PXDN: variants seen among roughly 807,000 people sequenced by gnomAD.
The protein encoded by PXDN is peroxidasin homolog.
A neutral mutation model predicts 140.3 loss-of-function variants in PXDN; 77 were observed. The ratio of observed to expected loss-of-function variants is 0.55; its 90% CI spans 0.46 to 0.66. The LOEUF is 0.66. Ranked by LOEUF, PXDN falls within the 30% of genes least tolerant of loss-of-function variation. The probability of loss-of-function intolerance (pLI) is 0.00; values close to 1 mark genes in which losing one functional copy is unlikely to be tolerated. For synonymous variants in PXDN, 911 were observed against 857.4 expected (o/e 1.06, Z -1.09); for missense variants, 1,838 against 2,039.5 (o/e 0.90, Z 1.90).
rs1294168279 is a variant in PXDN, at chr2:1,639,032, G to A, written c.4074-54C>T. ...AAATATAACCTTGGCAGGTCACGCC[G>A]GGTCTCATTTCAAGGTTTCCTGGGT... On this transcript the variant is annotated intron_variant, in intron 20 of 22. Transcript: ENST00000252804. This position sits in a 1 kb window ranked among gnomAD's most constrained non-coding sequence, Gnocchi z 5.0. 2 of 494,670 alleles carry A rather than the reference G, an allele frequency of 4.0e-6. No individual in the cohort carries two copies. The highest frequency in any genetic ancestry group is 4.9e-6 in the Non-Finnish European group (2 of 405,056). The allele number at this position is 494,670 out of a possible 1,614,324, so 30.6% of individuals were successfully genotyped here.
At chr2:1,713,718 G>A (rs1043350824) in intron 1 of PXDN, among the ~76,000 whole-genome samples, 4 of 152,252 alleles carry the variant, frequency 2.6e-5, no homozygotes, top group Non-Finnish European at 5.9e-5. Flanking sequence ...TCCGGAGCAT[G>A]GGGGCACAGA....
intron 16 of PXDN, among the ~76,000 whole-genome samples, chr2:1,650,779 T>G (rs957278560): frequency 2.0e-5 from 3 of 152,086 alleles, no homozygotes; most frequent in Non-Finnish European, 4.4e-5. Context: ...CACTCACACT[T>G]TCACGTGTGC....
intron 1 of PXDN, 41 bp downstream of exon 1, chr2:1,744,215 G>T (rs1221059774): frequency 3.3e-5 from 48 of 1,433,870 alleles, no homozygotes; most frequent in Non-Finnish European, 4.1e-5. Flanking sequence ...TCTCCACGAA[G>T]CCCCGGACCC....
intron 9 of PXDN, among the ~76,000 whole-genome samples, chr2:1,667,829 C>T (rs1034807136): frequency 1.3e-5 from 2 of 152,130 alleles, no homozygotes; most frequent in African/African-American, 2.4e-5. Context: ...AAAAACATTC[C>T]GTGCTCATGG....
chr2:1,645,128 T>C (rs1339933336), intron 17 of PXDN, among the ~76,000 whole-genome samples: 9 of 152,174 alleles, frequency 5.9e-5, no homozygotes, highest in Non-Finnish European at 5.9e-5. Context: ...AAACTATATA[T>C]AGCTAAATGT....
intron 1 of PXDN, among the ~76,000 whole-genome samples, chr2:1,737,890 A>G (rs1005293110): frequency 1.3e-5 from 2 of 152,206 alleles, no homozygotes; most frequent in African/African-American, 2.4e-5. Context: ...AAAAATTACT[A>G]GTGTTATGAA....
At chr2:1,638,791 GC>G in intron 21 of PXDN, 54 bp downstream of exon 21, 1 of 1,610,286 alleles carries the variant, frequency 6.2e-7, no homozygotes, top group Non-Finnish European at 8.5e-7. Flanking sequence ...TTCGGGCAGG[GC>G]TGTGCTGCTG....
chr2:1,715,713 C>T (rs1180445421), intron 1 of PXDN, among the ~76,000 whole-genome samples: 1 of 152,168 alleles, frequency 6.6e-6, no homozygotes, highest in Non-Finnish European at 1.5e-5. Context: ...GAGTGGACCA[C>T]TTTCCAGGCT....
At chr2:1,742,311 G>GT (rs1685564788) in intron 1 of PXDN, among the ~76,000 whole-genome samples, 1 of 152,174 alleles carries the variant, frequency 6.6e-6, no homozygotes, top group Admixed American at 6.5e-5. Context: ...CAGAATCAAC[G>GT]TGACTCAACA....
intron 1 of PXDN, among the ~76,000 whole-genome samples, chr2:1,721,610 G>A (rs970976742): frequency 2.0e-5 from 3 of 152,198 alleles, no homozygotes; most frequent in African/African-American, 7.2e-5. Flanking sequence ...GCCGAGGCGG[G>A]CGGATCACGA....
chr2:1,727,083 T>C (rs1685203214), intron 1 of PXDN, among the ~76,000 whole-genome samples: 1 of 152,200 alleles, frequency 6.6e-6, no homozygotes, highest in Admixed American at 6.5e-5. Context: ...TCAAATGCAG[T>C]GAACACTCTG....
chr2:1,692,132 G>A (rs1684194845), intron 2 of PXDN, 133 bp from the exon 3 acceptor site: 5 of 664,554 alleles, frequency 7.5e-6, no homozygotes, highest in South Asian at 6.1e-5. Flanking sequence ...AACATTCAAC[G>A]AACGCTGAAC....
At chr2:1,735,840 G>A (rs1304823219) in intron 1 of PXDN, among the ~76,000 whole-genome samples, 2 of 152,182 alleles carry the variant, frequency 1.3e-5, no homozygotes, top group Non-Finnish European at 2.9e-5. Context: ...AGCTATGGAA[G>A]TCCTAGATGG....
chr2:1,666,240 T>C lies in PXDN; in HGVS notation c.1265A>G (p.His422Arg), dbSNP rs781170165. The part of the protein sequence containing the change: ...CSATNNIDSV[H>R]ATAFIIVQAL... Reference sequence around the variant, plus strand: ...CTGGACGATGATGAAAGCGGTGGCATGGACGCTGTCAATGTTGTTGGTCGC... The same window carrying C: ...CTGGACGATGATGAAAGCGGTGGCACGGACGCTGTCAATGTTGTTGGTCGC... Residue 422 changes from histidine (H) to arginine (R), a missense_variant, in exon 10 of 23, where the codon CAT (histidine) becomes CGT (arginine). This residue lies in a region of PXDN where 537 missense variants were observed against 583.9 expected (regional missense o/e 0.92). Transcript: ENST00000252804. 31 of 1,613,912 alleles carry C rather than the reference T, an allele frequency of 1.9e-5. No individual in the cohort carries two copies. Among genetic ancestry groups the C allele is most frequent in the Non-Finnish European group, 2.5e-5 (29 of 1,179,890 alleles).
intron 1 of PXDN, among the ~76,000 whole-genome samples, chr2:1,697,041 A>C (rs1433514403): frequency 1.3e-5 from 2 of 152,198 alleles, no homozygotes; most frequent in Non-Finnish European, 2.9e-5. Context: ...GTTCCACAGC[A>C]CCAGTGCTTG....
Position 1,648,452 on chromosome 2 carries a change from T to A in PXDN, c.3328A>T (p.Asn1110Tyr). ...AGAAGCGGATCGATGCCGCCCTCAT[T>A]CACAATCCGGAAGGGAGAGAAGAAA... ...KAFFSPFRIV[N>Y]EGGIDPLLRG... The change falls in exon 17 of 23, where the codon AAT becomes TAT. Residue 1110 changes from asparagine to tyrosine, a missense_variant. Physicochemically the swap from Asn to Tyr is moderately radical, Grantham distance 143. Around this residue, in one of 5 missense-constraint regions of PXDN, gnomAD observed 850 missense variants for 894.1 expected, o/e 0.95. Coordinates refer to ENST00000252804, the MANE Select transcript of PXDN (RefSeq NM_012293.3). The surrounding 1 kb of genome is among the most constrained non-coding windows in gnomAD (Gnocchi z 8.9). 1 of 1,610,638 alleles carries A rather than the reference T, an allele frequency of 6.2e-7. No homozygotes were observed. The highest frequency in any genetic ancestry group is 8.5e-7 in the Non-Finnish European group (1 of 1,179,836).
In PXDN at chr2:1,658,761, G is replaced by A. The variant is rs898784945; in HGVS notation, c.1837+2120C>T. ...CCCAGCCCTGTGCTCCCCACCCCCC[G>A]GCATCGGGCTCATTCTGACCCCAGG... On this transcript the variant is annotated intron_variant, in intron 14 of 22. Transcript: ENST00000252804. 5.4e-4 allele frequency among the ~76,000 whole-genome samples: 13 copies of A among 23,900 alleles called. No homozygotes were observed. The East Asian group carries it at 8.1e-3, about 15-fold the overall frequency. The allele number at this position is 23,900 out of a possible 152,430, so 15.7% of individuals were successfully genotyped here. A position where few individuals can be genotyped will look rare whatever the true frequency, so the allele number is the denominator to read the frequency against.
rs116079411 is a variant in PXDN at position 1,687,938 on chromosome 2, C to T, written c.345-235G>A. On this transcript the variant is annotated intron_variant, in intron 3 of 22. Coordinates refer to ENST00000252804, the MANE Select transcript of PXDN (RefSeq NM_012293.3). The surrounding 1 kb of genome is among the most constrained non-coding windows in gnomAD (Gnocchi z 4.0). Reference sequence around the variant, plus strand: ...ACTGAAGGTGATCAAACCACTGCGACGGGTTTTTCAGGCAACTCACAGACC... The same window carrying T: ...ACTGAAGGTGATCAAACCACTGCGATGGGTTTTTCAGGCAACTCACAGACC... 0.016 allele frequency among the ~76,000 whole-genome samples: 2,443 copies of T among 152,236 alleles called. 41 individuals are homozygous for T. The highest frequency in any genetic ancestry group is 0.042 in the Admixed American group (639 of 15,284).
intron 19 of PXDN, among the ~76,000 whole-genome samples, chr2:1,642,856 GC>G (rs1272534026): frequency 1.3e-5 from 2 of 152,048 alleles, no homozygotes; most frequent in Non-Finnish European, 2.9e-5. Context: ...CAGCTACAGG[GC>G]CCCCCGCGCC....
Sources: gnomAD v4.1 joint callset for allele counts (sites outside exome capture counted in the v4.1 genomes callset) on GRCh38, gnomAD v4.1.1 for gene constraint, gnomAD v4.1.1 regional missense constraint, Gnocchi (gnomAD v3.1) non-coding constraint, MANE v1.5 for transcripts, NCBI Gene and HGNC (gene_info 2026-07-23, HGNC 2026-07-21) for gene names.